CEP41: variants seen among roughly 807,000 people sequenced by gnomAD.
CEP41 encodes the protein centrosomal protein 41, also known as centrosomal protein of 41 kDa.
In CEP41, 32 loss-of-function variants were observed where a neutral mutation model predicts 44.3. The observed-to-expected ratio is 0.72, with a 90% CI of 0.54 to 0.97. CEP41 has a LOEUF of 0.97. CEP41 is among the 50% of genes least tolerant of loss of function. The pLI is 0.00. For synonymous variants in CEP41, 151 were observed against 168.5 expected, an observed-to-expected ratio of 0.90 and a Z score of 0.80; for missense variants, 432 against 455.2, an observed-to-expected ratio of 0.95 and a Z score of 0.46.
At chr7:130,435,224 T>C (rs1273003267) in intron 1 of CEP41, among the ~76,000 whole-genome samples, 1 of 152,096 alleles carries the variant, frequency 6.6e-6, no homozygotes, top group Non-Finnish European at 1.5e-5. Context: ...ACATAGTACA[T>C]AGTGATATAA....
intron 1 of CEP41, among the ~76,000 whole-genome samples, chr7:130,428,914 A>T (rs934392669): frequency 6.0e-5 from 9 of 150,536 alleles, no homozygotes; most frequent in African/African-American, 2.4e-5. Flanking sequence ...CTGTCTCAAA[A>T]AAATAAATAA....
rs577355827 is a variant in CEP41 at position 130,395,316 on chromosome 7, T to C, written c.*3575A>G. ...CATGTAAGTACTCAACATGCTCACA[T>C]AATTAAACTGGTGAATTATATTCCA... On this transcript the variant is annotated 3_prime_UTR_variant, in exon 11 of 11. Coordinates refer to ENST00000223208, the MANE Select transcript of CEP41 (RefSeq NM_018718.3). 2.2e-6 allele frequency: 1 copy of C among 454,086 alleles called. No homozygotes were observed. The highest frequency in any genetic ancestry group is 2.3e-5 in the Admixed American group (1 of 42,576). 28.1% of individuals were successfully genotyped at this position (454,086 alleles called of 1,614,324 possible). A position where few individuals can be genotyped will look rare whatever the true frequency, so the allele number is the denominator to read the frequency against.
At position 130,394,531 on chromosome 7, in the gene CEP41, A is replaced by G. The variant is rs1383068354; in HGVS notation, c.*4360T>C. ...GTGCTGAATTTGGGAGGATACTTTA[A>G]GCCTGGCAGAGACAGGGTAATAACA... is the stretch of plus-strand genomic sequence containing the variant. On this transcript the variant is annotated 3_prime_UTR_variant, in exon 11 of 11. Coordinates refer to ENST00000223208, the MANE Select transcript of CEP41 (RefSeq NM_018718.3). The G allele has an allele frequency of 4.4e-6, 2 of 453,970 alleles. No homozygotes were observed. Among genetic ancestry groups the G allele is most frequent in the Non-Finnish European group, 8.8e-6 (2 of 226,792 alleles). The allele number at this position is 453,970 out of a possible 1,614,324, so 28.1% of individuals were successfully genotyped here. A position where few individuals can be genotyped will look rare whatever the true frequency, so the allele number is the denominator to read the frequency against.
rs1422792887 is a variant in CEP41, at chr7:130,396,952, T to C, written c.*1939A>G. 8.8e-6 allele frequency: 4 copies of C among 453,788 alleles called. No homozygotes were observed. The highest frequency in any genetic ancestry group is 2.0e-5 in the African/African-American group (1 of 49,964). 28.1% of individuals were successfully genotyped at this position (453,788 alleles called of 1,614,324 possible). ...GAGGGAAGACCATTTACTTTCAAAA[T>C]AGAATCCGGCAGGGAAGTCTCAACT... On this transcript the variant is annotated 3_prime_UTR_variant, in exon 11 of 11. Transcript: ENST00000223208.
rs971174725 is a variant in CEP41, at chr7:130,411,312, C to T, written c.208-121G>A. 3 of 798,156 alleles carry T rather than the reference C, an allele frequency of 3.8e-6. No individual in the cohort carries two copies. The African/African-American group carries it at 5.1e-5, about 14-fold the overall frequency. The allele number at this position is 798,156 out of a possible 1,614,324, so 49.4% of individuals were successfully genotyped here. ...AAGATCTGTTGTTTTAAGAAGCTGT[C>T]AGTGTCCTCAACTGAACGCTGAATC... is the stretch of plus-strand genomic sequence containing the variant. On this transcript the variant is annotated intron_variant, in intron 4 of 10. Transcript: ENST00000223208.
chr7:130,418,529 T>C lies in CEP41; in HGVS notation c.98-1563A>G, dbSNP rs571570325. Among the ~76,000 whole-genome samples, 9 of 152,288 alleles carry C rather than the reference T, an allele frequency of 5.9e-5. No individual in the cohort carries two copies. The South Asian group carries it at 1.9e-3, about 32-fold the overall frequency. On this transcript the variant is annotated intron_variant, in intron 2 of 10. Coordinates refer to ENST00000223208, the MANE Select transcript of CEP41 (RefSeq NM_018718.3). The stretch of plus-strand genomic sequence containing the variant: ...TTTTACCCAGTAGCTTTAGGTTATA[T>C]GTCCCTGAGTCACCCACAGTTGCAT...
At chr7:130,400,275 GA>G in intron 9 of CEP41, 21 bp from the exon 10 acceptor site, 1 of 1,580,164 alleles carries the variant, frequency 6.3e-7, no homozygotes, top group Non-Finnish European at 8.7e-7. Flanking sequence ...AAAATCATCA[GA>G]AAAAGCTGCA....
chr7:130,435,580 T>C (rs1423622978), intron 1 of CEP41, among the ~76,000 whole-genome samples: 2 of 152,120 alleles, frequency 1.3e-5, no homozygotes, highest in African/African-American at 4.8e-5. Flanking sequence ...TAAAAAATAT[T>C]GACAGTGTTG....
intron 10 of CEP41, 32 bp downstream of exon 10, chr7:130,400,006 CA>C (rs782475248): frequency 1.4e-6 from 2 of 1,433,288 alleles, no homozygotes; most frequent in Non-Finnish European, 2.0e-6. Context: ...AGCTGCAAAC[CA>C]AACATTATCT....
rs1797204343 is a variant in CEP41 at position 130,412,229 on chromosome 7, TG to T, written c.156del (p.Tyr52Ter). ...AGTCTCTTGAAAAGCTCATCTTTTT[TG>T]TATCTATAATCTGAAAAATATGGTA... ...KLEEIKKNYR[Y>X]KKDELFKRLK... On this transcript the variant is annotated frameshift_variant, in exon 4 of 11. Coordinates refer to ENST00000223208, the MANE Select transcript of CEP41 (RefSeq NM_018718.3). LOFTEE classifies it high-confidence loss of function. 2.6e-6 allele frequency: 4 copies of T among 1,521,508 alleles called. No individual in the cohort carries two copies. The highest frequency in any genetic ancestry group is 1.4e-5 in the African/African-American group (1 of 73,216). The allele number at this position is 1,521,508 out of a possible 1,614,324, so 94.3% of individuals were successfully genotyped here.
intron 4 of CEP41, 55 bp downstream of exon 4, chr7:130,412,124 T>A: frequency 3.2e-6 from 3 of 947,680 alleles, no homozygotes; most frequent in Admixed American, 3.4e-5. Context: ...TAGAAATACA[T>A]AAAGTGGCAC....
intron 10 of CEP41, chr7:130,399,266 T>C (rs1554416263): frequency 1.9e-5 from 11 of 569,406 alleles, no homozygotes; most frequent in Non-Finnish European, 2.8e-5. Flanking sequence ...AGGTTTTTTT[T>C]CCCTTCCTCT....
At chr7:130,417,303 G>A (rs1410461861) in intron 2 of CEP41, 54 of 1,112,464 alleles carry the variant, frequency 4.9e-5, no homozygotes, top group African/African-American at 1.3e-4. Flanking sequence ...CCCTGCCCCC[G>A]CTGACGATCT....
intron 8 of CEP41, 189 bp from the exon 9 acceptor site, chr7:130,401,010 C>T (rs1298569398): frequency 6.8e-6 from 4 of 591,360 alleles, no homozygotes; most frequent in Middle Eastern, 3.2e-4. Flanking sequence ...AGCTGGTATT[C>T]GTTTCTTTTG....
Position 130,398,889 on chromosome 7 carries a change from CT to C in CEP41, c.*1del. On this transcript the variant is annotated 3_prime_UTR_variant, in exon 11 of 11. Transcript: ENST00000223208. ...TTTATTTGCCTAAGTGAGACAAAGT[CT>C]TTACTTCCAGGGTTTGCCTTGCAGG... 6.2e-7 allele frequency: 1 copy of C among 1,614,222 alleles called. No homozygotes were observed. Among genetic ancestry groups the C allele is most frequent in the Non-Finnish European group, 8.5e-7 (1 of 1,180,028 alleles).
intron 2 of CEP41, among the ~76,000 whole-genome samples, chr7:130,422,272 A>G (rs1797532410): frequency 6.6e-6 from 1 of 152,312 alleles, no homozygotes; most frequent in Non-Finnish European, 1.5e-5. Context: ...AGACCCATCT[A>G]TTTAGCCTAA....
chr7:130,412,018 A>C (rs1797196376), intron 4 of CEP41, 161 bp downstream of exon 4: 1 of 677,490 alleles, frequency 1.5e-6, no homozygotes, highest in African/African-American at 1.8e-5. Flanking sequence ...TCTTCATGTG[A>C]ACACACACAC....
chr7:130,407,691 T>C (rs1485447559), intron 5 of CEP41, among the ~76,000 whole-genome samples: 6 of 152,100 alleles, frequency 3.9e-5, no homozygotes, highest in Non-Finnish European at 8.8e-5. Context: ...TCAAAATACA[T>C]AACAGATGGT....
At chr7:130,407,807 G>A (rs1474962055) in intron 5 of CEP41, among the ~76,000 whole-genome samples, 1 of 151,798 alleles carries the variant, frequency 6.6e-6, no homozygotes, top group Admixed American at 6.6e-5. Context: ...CAATAGTACA[G>A]GCTAATAGAT....
Sources: allele counts gnomAD v4.1 joint callset (sites outside exome capture counted in the v4.1 genomes callset), GRCh38; gene constraint gnomAD v4.1.1; transcripts MANE v1.5; gene names NCBI Gene and HGNC (gene_info 2026-07-23, HGNC 2026-07-21).